The following USP43 variants were observed in gnomAD, a reference collection of about 807,000 sequenced individuals.
USP43 encodes the protein ubiquitin specific peptidase 43.
In USP43, 33 loss-of-function variants were observed where a neutral mutation model predicts 90.7. The ratio of observed to expected loss-of-function variants is 0.36; its 90% CI spans 0.28 to 0.49. USP43 has a LOEUF of 0.49. Among genes scored for constraint, USP43 ranks in the 20% least tolerant of loss-of-function variants. The pLI, the probability that USP43 is intolerant of heterozygous loss-of-function variation, is 0.98. For synonymous variants in USP43, 598 were observed against 615.8 expected (o/e 0.97, Z 0.43); for missense variants, 1,274 against 1,476.4 (o/e 0.86, Z 2.25).
chr17:9,721,484 G>A (rs751413277), intron 14 of USP43, among the ~76,000 whole-genome samples: 1 of 152,026 alleles, frequency 6.6e-6, no homozygotes, highest in Non-Finnish European at 1.5e-5. Flanking sequence ...CTACCATTGC[G>A]CCACAAGGTC....
chr17:9,704,269 C>T (rs1201424308), intron 12 of USP43, among the ~76,000 whole-genome samples: 1 of 151,840 alleles, frequency 6.6e-6, no homozygotes, highest in Non-Finnish European at 1.5e-5. Context: ...TGTCTGCAGA[C>T]GTGATCTTCA....
rs561938442 is a variant in USP43 at position 9,686,168 on chromosome 17, G to A, written c.1242-630G>A. On this transcript the variant is annotated intron_variant, in intron 7 of 14. Transcript: ENST00000285199. The surrounding 1 kb of genome is among the most constrained non-coding windows in gnomAD (Gnocchi z 5.5). Reference sequence around the variant, plus strand: ...CTTTTTTATGGGTGCATAGTATTCCGTTGTGTATATAGACCACATTTTCTT... The same window carrying A: ...CTTTTTTATGGGTGCATAGTATTCCATTGTGTATATAGACCACATTTTCTT... Among the ~76,000 whole-genome samples, 8 of 152,200 alleles carry A rather than the reference G, an allele frequency of 5.3e-5. No individual in the cohort carries two copies. In the East Asian group the frequency reaches 9.7e-4, roughly 18 times the overall value.
intron 8 of USP43, among the ~76,000 whole-genome samples, chr17:9,692,200 A>G (rs1915000005): frequency 6.6e-6 from 1 of 151,830 alleles, no homozygotes; most frequent in Non-Finnish European, 1.5e-5. Flanking sequence ...CTCTACTAAA[A>G]ATACAAAAAT....
intron 5 of USP43, among the ~76,000 whole-genome samples, chr17:9,677,526 C>A (rs961281839): frequency 2.0e-5 from 3 of 152,178 alleles, no homozygotes; most frequent in African/African-American, 7.2e-5. Flanking sequence ...TCTTTTCAAA[C>A]GAGTCTTAGT....
intron 12 of USP43, among the ~76,000 whole-genome samples, chr17:9,703,021 C>T (rs938344734): frequency 6.6e-6 from 1 of 152,206 alleles, no homozygotes; most frequent in Non-Finnish European, 1.5e-5. Flanking sequence ...TGTTCTTCCA[C>T]AGCTGTCCTG....
chr17:9,708,574 G>A (rs1249135479), intron 12 of USP43, among the ~76,000 whole-genome samples: 1 of 152,214 alleles, frequency 6.6e-6, no homozygotes, highest in African/African-American at 2.4e-5. Flanking sequence ...GATTAGTGTG[G>A]AGGTCAGCAA....
intron 8 of USP43, among the ~76,000 whole-genome samples, chr17:9,692,413 C>T (rs74818091): frequency 0.041 from 6,203 of 152,148 alleles, 403 homozygotes; most frequent in African/African-American, 0.14. Context: ...GGTACCTCAG[C>T]GTTGTCTTGA....
intron 12 of USP43, among the ~76,000 whole-genome samples, chr17:9,703,166 T>C (rs1915674643): frequency 6.6e-6 from 1 of 151,990 alleles, no homozygotes; most frequent in Non-Finnish European, 1.5e-5. Flanking sequence ...GGAGGCATCT[T>C]TGTTACTCAG....
intron 6 of USP43, among the ~76,000 whole-genome samples, chr17:9,682,226 T>G (rs1411236391): frequency 6.6e-6 from 1 of 152,214 alleles, no homozygotes; most frequent in Admixed American, 6.5e-5. Context: ...GGAGTATTTT[T>G]CAGGTGACTT....
intron 1 of USP43, 143 bp from the exon 2 acceptor site, chr17:9,656,260 A>T (rs527901299): frequency 5.3e-5 from 60 of 1,141,834 alleles, no homozygotes; most frequent in Middle Eastern, 5.9e-4. Context: ...GCGTGAAAGA[A>T]CATTTCTACC....
At chr17:9,683,694 T>A (rs1914434361) in intron 7 of USP43, among the ~76,000 whole-genome samples, 1 of 152,198 alleles carries the variant, frequency 6.6e-6, no homozygotes. Context: ...TATTACAATA[T>A]TTTAATAATT....
chr17:9,658,043 A>G (rs773500072), intron 2 of USP43, among the ~76,000 whole-genome samples: 2 of 152,220 alleles, frequency 1.3e-5, no homozygotes, highest in Non-Finnish European at 2.9e-5. Context: ...TCAATAACAC[A>G]TACCTTTTGA....
At chr17:9,693,103 C>G (rs761812469) in intron 8 of USP43, 24 bp from the exon 9 acceptor site, 2 of 1,590,066 alleles carry the variant, frequency 1.3e-6, no homozygotes, top group African/African-American at 2.7e-5. Context: ...ACGTAATGAT[C>G]CATGTCTGTT....
At chr17:9,684,383 T>C (rs1047015032) in intron 7 of USP43, among the ~76,000 whole-genome samples, 1 of 152,126 alleles carries the variant, frequency 6.6e-6, no homozygotes, top group African/African-American at 2.4e-5. Context: ...TTTCCAGCTC[T>C]TGAAAATTAA....
In USP43 at chr17:9,728,522, C is replaced by A. The variant is rs762469807; in HGVS notation, c.2904C>A (p.Pro968=). The A allele has an allele frequency of 1.9e-6, 3 of 1,613,958 alleles. No individual in the cohort carries two copies. The highest frequency in any genetic ancestry group is 2.2e-5 in the South Asian group (2 of 91,074). ...AGATGGGAAGCAAAAGCAGCCCACC[C>A]TCCCCCTATATGGGATTCTCTGGAA... ...SFQMGSKSSP[P]SPYMGFSGNS... is the part of the protein sequence containing the mutation. The change falls in exon 15 of 15, where the codon CCC becomes CCA. Residue 968 remains proline, a synonymous_variant. Coordinates refer to ENST00000285199, the MANE Select transcript of USP43 (RefSeq NM_153210.5). The surrounding 1 kb of genome is among the most constrained non-coding windows in gnomAD (Gnocchi z 6.2).
Position 9,728,683 on chromosome 17 carries a change from C to T in USP43, c.3065C>T (p.Pro1022Leu), listed in dbSNP as rs367734086. 1.2e-6 allele frequency: 2 copies of T among 1,612,488 alleles called. No individual in the cohort carries two copies. The highest frequency in any genetic ancestry group is 1.1e-5 in the South Asian group (1 of 90,864). The change falls in exon 15 of 15, where the codon CCC becomes CTC. Residue 1022 changes from proline (P) to leucine (L), a missense_variant. Around this residue, in one of 6 missense-constraint regions of USP43, gnomAD observed 353 missense variants for 329.7 expected, o/e 1.07. Transcript: ENST00000285199. The surrounding 1 kb of genome is among the most constrained non-coding windows in gnomAD (Gnocchi z 6.2). ...ERAEVSPQVP[P>L]VSLVSGGLSP... ...GCAGAGGTCTCTCCACAGGTGCCCC[C>T]CGTCTCCCTGGTGAGTGGCGGGCTG...
At chr17:9,670,586 G>A (rs980948005) in intron 3 of USP43, among the ~76,000 whole-genome samples, 1 of 152,130 alleles carries the variant, frequency 6.6e-6, no homozygotes, top group African/African-American at 2.4e-5. Flanking sequence ...AGGAACTAAG[G>A]GAGAGGTGAG....
intron 14 of USP43, among the ~76,000 whole-genome samples, chr17:9,715,488 A>G (rs557111228): frequency 6.6e-6 from 1 of 152,204 alleles, no homozygotes; most frequent in African/African-American, 2.4e-5. Flanking sequence ...TTACTATGTA[A>G]GAACTGTATG....
intron 12 of USP43, among the ~76,000 whole-genome samples, chr17:9,706,369 A>G (rs928803262): frequency 4.6e-5 from 7 of 152,216 alleles, no homozygotes; most frequent in Non-Finnish European, 8.8e-5. Context: ...AGGTAAAATT[A>G]TCAATCATTT....
Sources: allele counts gnomAD v4.1 joint callset (sites outside exome capture counted in the v4.1 genomes callset), GRCh38; gene constraint gnomAD v4.1.1; regional missense constraint gnomAD v4.1.1; non-coding constraint Gnocchi (gnomAD v3.1); transcripts MANE v1.5; gene names NCBI Gene and HGNC (gene_info 2026-07-23, HGNC 2026-07-21).